FMNL1: variants seen among roughly 807,000 people sequenced by gnomAD.
The protein encoded by FMNL1 is formin like 1, also known as formin-like protein 1.
FMNL1 carries 43 observed loss-of-function variants against 121.3 expected under a neutral mutation model. The observed-to-expected ratio is 0.35, with a 90% CI of 0.28 to 0.46. FMNL1 has a LOEUF of 0.46. Among genes scored for constraint, FMNL1 ranks in the 20% least tolerant of loss-of-function variants. The pLI, the probability that FMNL1 is intolerant of heterozygous loss-of-function variation, is 1.00. For missense variants in FMNL1, 1,191 were observed against 1,482.4 expected (o/e 0.80, Z 3.23); for synonymous variants, 613 against 613.5 (o/e 1.00, Z 0.01).
In FMNL1 at chr17:45,233,750, GCCCTCATGC is replaced by G; in HGVS notation, c.485+21_485+29del. 1 of 1,613,384 alleles carries G rather than the reference GCCCTCATGC, an allele frequency of 6.2e-7. No individual in the cohort carries two copies. Among genetic ancestry groups the G allele is most frequent in the Admixed American group, 1.7e-5 (1 of 59,984 alleles). ...CTGTCACGTAAGCCCCCTGCTCCCA[GCCCTCATGC>G]CGCTCCTCAGAGCTTTGATCCCCGT... On this transcript the variant is annotated intron_variant, in intron 5 of 26. Coordinates refer to ENST00000331495, the MANE Select transcript of FMNL1 (RefSeq NM_005892.4). This position sits in a 1 kb window ranked among gnomAD's most constrained non-coding sequence, Gnocchi z 4.1.
At chr17:45,223,082 A>G (rs2043262843) in intron 1 of FMNL1, among the ~76,000 whole-genome samples, 2 of 152,116 alleles carry the variant, frequency 1.3e-5, no homozygotes, top group Non-Finnish European at 2.9e-5. Flanking sequence ...AGGCAGAAGT[A>G]GGGAGAGGAA....
In FMNL1 at chr17:45,245,913, A is replaced by C; in HGVS notation, c.3030A>C (p.Glu1010Asp). The C allele has an allele frequency of 6.3e-7, 1 of 1,592,064 alleles. No homozygotes were observed. The highest frequency in any genetic ancestry group is 8.5e-7 in the Non-Finnish European group (1 of 1,172,726). Residue 1010 changes from glutamate to aspartate, a missense_variant, in exon 24 of 27, where the codon GAA (glutamate) becomes GAC (aspartate). Glu to Asp is a conservative substitution (Grantham distance 45). Coordinates refer to ENST00000331495, the MANE Select transcript of FMNL1 (RefSeq NM_005892.4). ...AEQEVEQWKK[E>D]AAAQEAGADT... ...AGGAGGTGGAACAGTGGAAAAAAGAAGCCGCTGCCCAGGAGGCAGGCGCTG... is the reference window on the plus strand; with the variant it reads ...AGGAGGTGGAACAGTGGAAAAAAGACGCCGCTGCCCAGGAGGCAGGCGCTG...
chr17:45,229,802 G>T lies in FMNL1; in HGVS notation c.130-802G>T, dbSNP rs116381289. On this transcript the variant is annotated intron_variant, in intron 1 of 26. Coordinates refer to ENST00000331495, the MANE Select transcript of FMNL1 (RefSeq NM_005892.4). ...GCCAGGGGAGGAGGACCCAGGCAGA[G>T]CTCTGTTGACCTTTCTCAGCTCCTG... Among the ~76,000 whole-genome samples the T allele has an allele frequency of 7.0e-3, 1,061 of 152,228 alleles. 12 individuals are homozygous for T. Among genetic ancestry groups the T allele is most frequent in the African/African-American group, 0.025 (1,018 of 41,516 alleles).
At chr17:45,244,768 C>T (rs776816390) in intron 19 of FMNL1, 51 bp from the exon 20 acceptor site, 17 of 1,558,650 alleles carry the variant, frequency 1.1e-5, no homozygotes, top group South Asian at 2.4e-5. Flanking sequence ...TATGCTTAAG[C>T]GGTGTCCTCA....
In FMNL1 at chr17:45,241,108, C is replaced by T; in HGVS notation, c.1231-21C>T. 8 of 1,613,516 alleles carry T rather than the reference C, an allele frequency of 5.0e-6. No individual in the cohort carries two copies. The highest frequency in any genetic ancestry group is 6.8e-6 in the Non-Finnish European group (8 of 1,179,816). On this transcript the variant is annotated intron_variant, in intron 12 of 26. Coordinates refer to ENST00000331495, the MANE Select transcript of FMNL1 (RefSeq NM_005892.4). This position sits in a 1 kb window ranked among gnomAD's most constrained non-coding sequence, Gnocchi z 7.0. ...CAGTGCCGGGCTGCGGGTCGGGGCT[C>T]ACCATGTGCTGGTGCTACAGCTGAC...
At position 45,237,104 on chromosome 17, in the gene FMNL1, G is replaced by A. The variant is rs2043567157; in HGVS notation, c.724-177G>A. On this transcript the variant is annotated intron_variant, in intron 7 of 26. Coordinates refer to ENST00000331495, the MANE Select transcript of FMNL1 (RefSeq NM_005892.4). This position sits in a 1 kb window ranked among gnomAD's most constrained non-coding sequence, Gnocchi z 4.4. ...CTGCGCTCCAGCCTGGGTGACAGAG[G>A]GAAACTCCATCTTGAAAAAAAAAAT... is the stretch of plus-strand genomic sequence containing the variant. Among the ~76,000 whole-genome samples the A allele has an allele frequency of 6.6e-6, 1 of 152,044 alleles. No homozygotes were observed. The highest frequency in any genetic ancestry group is 2.1e-4 in the South Asian group (1 of 4,828).
chr17:45,237,614 T>A lies in FMNL1; in HGVS notation c.869T>A (p.Leu290His). 6.2e-7 allele frequency: 1 copy of A among 1,614,164 alleles called. No individual in the cohort carries two copies. Among genetic ancestry groups the A allele is most frequent in the Non-Finnish European group, 8.5e-7 (1 of 1,180,024 alleles). Reference sequence around the variant, plus strand: ...GTGCGGGGAGGACATGACATCATCCTTGCAGCCTTTGACAACTTCAAGGAG... The same window carrying A: ...GTGCGGGGAGGACATGACATCATCCATGCAGCCTTTGACAACTTCAAGGAG... ...CLVRGGHDII[L>H]AAFDNFKEVC... The change falls in exon 9 of 27, where the codon CTT becomes CAT. Residue 290 changes from leucine (L) to histidine (H), a missense_variant. Physicochemically the swap from Leu to His is moderately conservative, Grantham distance 99 (BLOSUM62 -3). This residue lies in a region of FMNL1 where 253 missense variants were observed against 417.5 expected (regional missense o/e 0.61). Transcript: ENST00000331495. The surrounding 1 kb of genome is among the most constrained non-coding windows in gnomAD (Gnocchi z 4.4).
At position 45,245,741 on chromosome 17, in the gene FMNL1, GGT is replaced by G. The variant is rs1267288274; in HGVS notation, c.2994+9_2994+10del. 1 of 1,614,044 alleles carries G rather than the reference GGT, an allele frequency of 6.2e-7. No individual in the cohort carries two copies. Among genetic ancestry groups the G allele is most frequent in the Admixed American group, 1.7e-5 (1 of 60,024 alleles). ...TTCATTAAGGCCTACAAGGTATTCG[GGT>G]CTGGGGCAGGCTGGGAGCCCTGTAG... On this transcript the variant is annotated intron_variant, in intron 23 of 26. Transcript: ENST00000331495.
intron 1 of FMNL1, among the ~76,000 whole-genome samples, chr17:45,227,958 C>A (rs746759992): frequency 1.3e-5 from 2 of 152,174 alleles, no homozygotes; most frequent in African/African-American, 4.8e-5. Flanking sequence ...CCCTGCCCCC[C>A]TCAGGAGGCA....
Position 45,237,486 on chromosome 17 carries a change from C to T in FMNL1, c.801-60C>T. ...TATGCTCCTCCTAGCCAGGCCTGTG[C>T]CCACCCTTGCCGCGGGTCCTGCCTG... On this transcript the variant is annotated intron_variant, in intron 8 of 26. Coordinates refer to ENST00000331495, the MANE Select transcript of FMNL1 (RefSeq NM_005892.4). This position sits in a 1 kb window ranked among gnomAD's most constrained non-coding sequence, Gnocchi z 4.4. 3.1e-6 allele frequency: 5 copies of T among 1,609,790 alleles called. No individual in the cohort carries two copies. The highest frequency in any genetic ancestry group is 4.3e-6 in the Non-Finnish European group (5 of 1,176,276).
chr17:45,247,036 G>A lies in FMNL1; in HGVS notation c.*178G>A, dbSNP rs1017961493. On this transcript the variant is annotated 3_prime_UTR_variant, in exon 27 of 27. Coordinates refer to ENST00000331495, the MANE Select transcript of FMNL1 (RefSeq NM_005892.4). ...GTGGACAGGCTGAGGCTCAAGGAAG[G>A]TGGTCCTCAGCTCGGCTGGCCGGGC... The A allele has an allele frequency of 3.1e-6, 2 of 653,948 alleles. No individual in the cohort carries two copies. Among genetic ancestry groups the A allele is most frequent in the East Asian group, 5.5e-5 (2 of 36,470 alleles). 40.5% of individuals were successfully genotyped at this position (653,948 alleles called of 1,614,324 possible). A position where few individuals can be genotyped will look rare whatever the true frequency, so the allele number is the denominator to read the frequency against.
chr17:45,239,324 A>G (rs2043628297), intron 11 of FMNL1: 1 of 472,666 alleles, frequency 2.1e-6, no homozygotes, highest in East Asian at 3.9e-5. Flanking sequence ...CCCCCAGTCT[A>G]TGGAACTGTT....
intron 2 of FMNL1, among the ~76,000 whole-genome samples, chr17:45,232,135 C>T (rs1454096763): frequency 6.6e-6 from 1 of 151,986 alleles, no homozygotes; most frequent in Admixed American, 6.6e-5. Flanking sequence ...GTTCGTGCCA[C>T]AGCACTCCAG....
chr17:45,237,504 C>A lies in FMNL1; in HGVS notation c.801-42C>A. 2 of 1,612,982 alleles carry A rather than the reference C, an allele frequency of 1.2e-6. No homozygotes were observed. Among genetic ancestry groups the A allele is most frequent in the South Asian group, 2.2e-5 (2 of 91,010 alleles). ...GCCTGTGCCCACCCTTGCCGCGGGTCCTGCCTGTTCTCAAGGGACAACCTG... is the reference window on the plus strand; with the variant it reads ...GCCTGTGCCCACCCTTGCCGCGGGTACTGCCTGTTCTCAAGGGACAACCTG... On this transcript the variant is annotated intron_variant, in intron 8 of 26. Coordinates refer to ENST00000331495, the MANE Select transcript of FMNL1 (RefSeq NM_005892.4). The surrounding 1 kb of genome is among the most constrained non-coding windows in gnomAD (Gnocchi z 4.4).
intron 1 of FMNL1, 34 bp downstream of exon 1, chr17:45,222,287 C>CG: frequency 4.3e-6 from 5 of 1,153,874 alleles, no homozygotes; most frequent in South Asian, 4.2e-5. Context: ...CGGGCGCGGG[C>CG]GGGGGGCGGC....
At chr17:45,228,399 G>T (rs1473560864) in intron 1 of FMNL1, among the ~76,000 whole-genome samples, 1 of 152,218 alleles carries the variant, frequency 6.6e-6, no homozygotes, top group African/African-American at 2.4e-5. Context: ...CCTCCCCTCG[G>T]CAGTAACAAC....
Position 45,237,533 on chromosome 17 carries a change from C to T in FMNL1, c.801-13C>T. 2 of 1,614,168 alleles carry T rather than the reference C, an allele frequency of 1.2e-6. No individual in the cohort carries two copies. Among genetic ancestry groups the T allele is most frequent in the Non-Finnish European group, 1.7e-6 (2 of 1,180,016 alleles). The stretch of plus-strand genomic sequence containing the variant: ...CCTGTTCTCAAGGGACAACCTGCCC[C>T]TTCTCTCTCCAGAACCAAGGCTCTG... On this transcript the variant is annotated splice_polypyrimidine_tract_variant and intron_variant, in intron 8 of 26. Coordinates refer to ENST00000331495, the MANE Select transcript of FMNL1 (RefSeq NM_005892.4). This position sits in a 1 kb window ranked among gnomAD's most constrained non-coding sequence, Gnocchi z 4.4.
intron 26 of FMNL1, 51 bp downstream of exon 26, chr17:45,246,655 C>T (rs1422706924): frequency 6.6e-6 from 10 of 1,524,432 alleles, no homozygotes; most frequent in Non-Finnish European, 8.9e-6. Context: ...GCCCCTGGGA[C>T]CCTTGGGAGA....
In FMNL1 at chr17:45,246,254, G is replaced by A. The variant is rs2043831023; in HGVS notation, c.3135G>A (p.Glu1045=). Residue 1045 remains glutamate (E), a synonymous_variant, in exon 25 of 27, where the codon GAG becomes GAA. Coordinates refer to ENST00000331495, the MANE Select transcript of FMNL1 (RefSeq NM_005892.4). ...ARRPQMDLIS[E]LKRRQQKEPL... ...GGCCACAGATGGACCTCATCTCTGAGCTGAAACGGAGGCAGCAGAAGGAGC... is the reference window on the plus strand; with the variant it reads ...GGCCACAGATGGACCTCATCTCTGAACTGAAACGGAGGCAGCAGAAGGAGC... 6.2e-7 allele frequency: 1 copy of A among 1,613,898 alleles called. No individual in the cohort carries two copies. The highest frequency in any genetic ancestry group is 8.5e-7 in the Non-Finnish European group (1 of 1,179,914).
Sources: allele counts gnomAD v4.1 joint callset (sites outside exome capture counted in the v4.1 genomes callset), GRCh38; gene constraint gnomAD v4.1.1; regional missense constraint gnomAD v4.1.1; non-coding constraint Gnocchi (gnomAD v3.1); transcripts MANE v1.5; gene names NCBI Gene and HGNC (gene_info 2026-07-23, HGNC 2026-07-21).